The following RGS17 variants were observed in gnomAD, a reference collection of about 807,000 sequenced individuals.
RGS17 encodes regulator of G-protein signaling 17.
Under a neutral mutation model 25.5 loss-of-function variants are expected in RGS17, and 12 were observed. The ratio of observed to expected loss-of-function variants is 0.47; its 90% CI spans 0.30 to 0.76. The LOEUF (loss-of-function observed/expected upper bound fraction) is 0.76, where lower values mean the gene tolerates loss of function less well. Among genes scored for constraint, RGS17 ranks in the 30% least tolerant of loss-of-function variants. RGS17 has a pLI of 0.07. For synonymous variants in RGS17, 71 were observed against 76.9 expected (o/e 0.92, Z 0.40); for missense variants, 196 against 242.2 (o/e 0.81, Z 1.27).
intron 2 of RGS17, among the ~76,000 whole-genome samples, chr6:153,035,577 AT>A (rs1288610570): frequency 1.3e-5 from 2 of 152,238 alleles, no homozygotes; most frequent in Admixed American, 6.5e-5. Context: ...CAACTATGAA[AT>A]TTTATAAATA....
At chr6:153,129,743 T>G (rs370963587) in intron 1 of RGS17, among the ~76,000 whole-genome samples, 127 of 152,312 alleles carry the variant, frequency 8.3e-4, no homozygotes, top group African/African-American at 2.9e-3. Context: ...AAGAAAGAAA[T>G]AACTCTGAAG....
intron 4 of RGS17, among the ~76,000 whole-genome samples, chr6:153,015,925 T>C (rs762511402): frequency 1.4e-4 from 22 of 152,204 alleles, no homozygotes; most frequent in Non-Finnish European, 2.8e-4. Context: ...AGTGCTGGGA[T>C]TACAGGTGTG....
rs1208458603 is a variant in RGS17 at position 153,008,705 on chromosome 6, T to C, written c.*2869A>G. ...CCTTGGCAATTGAAAACACAAAGTG[T>C]CCATTTTAAAGTGCTAATTTTTCCC... On this transcript the variant is annotated 3_prime_UTR_variant, in exon 5 of 5. Coordinates refer to ENST00000206262, the MANE Select transcript of RGS17 (RefSeq NM_012419.5). 1 of 152,214 alleles carries C rather than the reference T, an allele frequency of 6.6e-6. No homozygotes were observed. Among genetic ancestry groups the C allele is most frequent in the Non-Finnish European group, 1.5e-5 (1 of 68,022 alleles). The allele number at this position is 152,214 out of a possible 1,614,324, so 9.4% of individuals were successfully genotyped here.
intron 1 of RGS17, among the ~76,000 whole-genome samples, chr6:153,080,563 T>C (rs1776960760): frequency 6.6e-6 from 1 of 152,144 alleles, no homozygotes; most frequent in South Asian, 2.1e-4. Context: ...TGATTATCAA[T>C]ATTGTATTAA....
chr6:153,040,181 C>T (rs541509386), intron 2 of RGS17, among the ~76,000 whole-genome samples: 1 of 152,136 alleles, frequency 6.6e-6, no homozygotes, highest in South Asian at 2.1e-4. Flanking sequence ...GAGAGACTGA[C>T]GTGGGGGGAG....
chr6:153,067,705 A>T (rs1006010750), intron 1 of RGS17, among the ~76,000 whole-genome samples: 1 of 152,186 alleles, frequency 6.6e-6, no homozygotes, highest in Admixed American at 6.5e-5. Context: ...GGATTGGAAG[A>T]ATCAATATTG....
intron 1 of RGS17, among the ~76,000 whole-genome samples, chr6:153,088,486 A>G (rs1777082751): frequency 6.6e-6 from 1 of 152,220 alleles, no homozygotes; most frequent in Non-Finnish European, 1.5e-5. Context: ...TAAATAAAGC[A>G]CATTTTTCTT....
chr6:153,045,930 G>T (rs1464310765), intron 1 of RGS17, among the ~76,000 whole-genome samples: 8 of 152,196 alleles, frequency 5.3e-5, no homozygotes, highest in Admixed American at 3.9e-4. Context: ...CCAAGATATG[G>T]AATCAACCAA....
chr6:153,054,092 T>A (rs190959981), intron 1 of RGS17, among the ~76,000 whole-genome samples: 8,611 of 40,906 alleles, frequency 0.21, 1,613 homozygotes, highest in African/African-American at 0.42. Flanking sequence ...ACAATATTTT[T>A]TATATATATA....
intron 1 of RGS17, among the ~76,000 whole-genome samples, chr6:153,069,339 T>A (rs1046808198): frequency 2.6e-5 from 4 of 152,134 alleles, no homozygotes; most frequent in Non-Finnish European, 5.9e-5. Flanking sequence ...TTAAGTAAAA[T>A]AAGCCAGGTA....
Position 153,074,977 on chromosome 6 carries a change from G to T in RGS17, c.-25-30934C>A, listed in dbSNP as rs559212223. Among the ~76,000 whole-genome samples, 22 of 152,278 alleles carry T rather than the reference G, an allele frequency of 1.4e-4. No homozygotes were observed. The South Asian group carries it at 4.6e-3, about 32-fold the overall frequency. On this transcript the variant is annotated intron_variant, in intron 1 of 4. Coordinates refer to ENST00000206262, the MANE Select transcript of RGS17 (RefSeq NM_012419.5). ...TTAGTGCAGTTCAGCATGAAACCCT[G>T]CACTGCCCTCCCCGGATGCTGATTA...
At chr6:153,096,039 T>A (rs1322136169) in intron 1 of RGS17, among the ~76,000 whole-genome samples, 4 of 152,122 alleles carry the variant, frequency 2.6e-5, no homozygotes, top group Non-Finnish European at 5.9e-5. Context: ...TGGGTAGAAA[T>A]CTTATAATCT....
intron 1 of RGS17, among the ~76,000 whole-genome samples, chr6:153,089,927 T>A (rs1420584610): frequency 1.3e-5 from 2 of 152,210 alleles, no homozygotes; most frequent in South Asian, 2.1e-4. Flanking sequence ...TGTTAATAAA[T>A]CTTTTCCAGG....
intron 1 of RGS17, among the ~76,000 whole-genome samples, chr6:153,062,104 C>G (rs1025403007): frequency 2.0e-5 from 3 of 150,994 alleles, no homozygotes; most frequent in Non-Finnish European, 4.4e-5. Context: ...CCGCCCACCC[C>G]ACCCTTCACA....
chr6:153,114,448 C>G (rs1259074697), intron 1 of RGS17, among the ~76,000 whole-genome samples: 1 of 151,990 alleles, frequency 6.6e-6, no homozygotes, highest in East Asian at 1.9e-4. Flanking sequence ...AATAGCCTAC[C>G]AACCAAAAAA....
chr6:153,016,896 C>A (rs189189826), intron 4 of RGS17, among the ~76,000 whole-genome samples: 2 of 152,264 alleles, frequency 1.3e-5, no homozygotes, highest in East Asian at 3.9e-4. Context: ...GGGCCACAGT[C>A]ACCCTAGGAT....
intron 1 of RGS17, among the ~76,000 whole-genome samples, chr6:153,092,905 T>TGG (rs1777153865): frequency 4.6e-5 from 7 of 152,028 alleles, no homozygotes. Flanking sequence ...CAGTGAAAGG[T>TGG]GGGGGGAAAT....
intron 1 of RGS17, among the ~76,000 whole-genome samples, chr6:153,110,425 TACACAC>T (rs149969105): frequency 3.5e-5 from 5 of 144,926 alleles, no homozygotes; most frequent in South Asian, 2.3e-4. Context: ...ACTGCCAACA[TACACAC>T]ACACACACAC....
intron 2 of RGS17, among the ~76,000 whole-genome samples, chr6:153,032,350 C>T (rs1431716583): frequency 2.0e-5 from 3 of 152,146 alleles, no homozygotes; most frequent in Admixed American, 2.0e-4. Flanking sequence ...TGTTGCCCCT[C>T]TAAAGGCTCA....
Sources: gnomAD v4.1 joint callset for allele counts (sites outside exome capture counted in the v4.1 genomes callset) on GRCh38, gnomAD v4.1.1 for gene constraint, MANE v1.5 for transcripts, NCBI Gene and HGNC (gene_info 2026-07-23, HGNC 2026-07-21) for gene names.